JAKMIP2: variants seen among roughly 807,000 people sequenced by gnomAD.
The protein encoded by JAKMIP2 is janus kinase and microtubule-interacting protein 2.
In JAKMIP2, 25 loss-of-function variants were observed where a neutral mutation model predicts 115.0. That is an observed-to-expected ratio of 0.22 (90% confidence interval 0.16 to 0.30). The LOEUF is 0.30. Among genes scored for constraint, JAKMIP2 ranks in the 10% least tolerant of loss-of-function variants. The pLI, the probability that JAKMIP2 is intolerant of heterozygous loss-of-function variation, is 1.00. For synonymous variants in JAKMIP2, 334 were observed against 343.6 expected (o/e 0.97, Z 0.31); for missense variants, 642 against 957.6 (o/e 0.67, Z 4.35).
chr5:147,648,173 CG>C (rs987516678), intron 5 of JAKMIP2, among the ~76,000 whole-genome samples: 1 of 152,040 alleles, frequency 6.6e-6, no homozygotes, highest in Admixed American at 6.6e-5. Context: ...TCACAAGAAG[CG>C]GGGGTGTGAG....
chr5:147,639,596 C>A (rs150810858), intron 10 of JAKMIP2, 36 bp downstream of exon 10: 17 of 1,589,182 alleles, frequency 1.1e-5, no homozygotes, highest in Non-Finnish European at 1.3e-5. Flanking sequence ...GACTGCTGCA[C>A]GCTAATTCAG....
intron 10 of JAKMIP2, 51 bp downstream of exon 10, chr5:147,639,581 G>A (rs771128037): frequency 1.9e-6 from 3 of 1,565,172 alleles, no homozygotes; most frequent in African/African-American, 2.7e-5. Context: ...GTGCTTTTAT[G>A]CTGTGACTGC....
chr5:147,669,035 T>C (rs1759447995), intron 2 of JAKMIP2, among the ~76,000 whole-genome samples: 2 of 152,336 alleles, frequency 1.3e-5, no homozygotes, highest in East Asian at 3.9e-4. Flanking sequence ...AGGTTTCCAC[T>C]TTTTAACTTA....
At chr5:147,690,109 G>A (rs2126856767) in intron 1 of JAKMIP2, among the ~76,000 whole-genome samples, 1 of 152,246 alleles carries the variant, frequency 6.6e-6, no homozygotes, top group Admixed American at 6.5e-5. Context: ...CAGCATTTTT[G>A]GAGGCTGAGG....
chr5:147,632,670 A>T lies in JAKMIP2; in HGVS notation c.1776+10T>A. ...GATTATTTTTATTATTATCATCATC[A>T]TTTCCTTACTTCTAGCTCTAGGTTT... is the stretch of plus-strand genomic sequence containing the variant. On this transcript the variant is annotated intron_variant, in intron 13 of 21. Transcript: ENST00000616793. 1 of 1,513,228 alleles carries T rather than the reference A, an allele frequency of 6.6e-7. No homozygotes were observed. The highest frequency in any genetic ancestry group is 1.7e-5 in the Admixed American group (1 of 58,394). The allele number at this position is 1,513,228 out of a possible 1,614,324, so 93.7% of individuals were successfully genotyped here.
At chr5:147,728,388 C>T (rs1753600427) in intron 1 of JAKMIP2, among the ~76,000 whole-genome samples, 1 of 152,022 alleles carries the variant, frequency 6.6e-6, no homozygotes, top group African/African-American at 2.4e-5. Context: ...CTGTAGTGTC[C>T]TTTTGGGATT....
intron 21 of JAKMIP2, chr5:147,595,649 T>C (rs1022138245): frequency 1.1e-4 from 40 of 373,668 alleles, no homozygotes; most frequent in African/African-American, 5.4e-4. Context: ...TTATGCAGAA[T>C]TGTTGTAAGT....
At chr5:147,614,842 T>C (rs1756494056) in intron 19 of JAKMIP2, among the ~76,000 whole-genome samples, 1 of 152,230 alleles carries the variant, frequency 6.6e-6, no homozygotes, top group Admixed American at 6.5e-5. Flanking sequence ...TCCTTGACTA[T>C]TCCAAACTTA....
At chr5:147,691,625 C>G (rs1365081399) in intron 1 of JAKMIP2, among the ~76,000 whole-genome samples, 1 of 152,174 alleles carries the variant, frequency 6.6e-6, no homozygotes, top group African/African-American at 2.4e-5. Flanking sequence ...TATAGCACAA[C>G]CCAAGCTTTG....
intron 20 of JAKMIP2, chr5:147,612,021 C>T: frequency 1.8e-6 from 1 of 543,830 alleles, no homozygotes; most frequent in Non-Finnish European, 3.4e-6. Context: ...CTTGAAGAAA[C>T]TTTTGGAAAG....
At chr5:147,639,801 G>T (rs750551746) in intron 9 of JAKMIP2, 41 bp from the exon 10 acceptor site, 11 of 1,595,822 alleles carry the variant, frequency 6.9e-6, no homozygotes, top group Non-Finnish European at 8.5e-6. Flanking sequence ...ATTGTGTTAT[G>T]TTCAGGTCCT....
chr5:147,650,838 G>T (rs1758361611), intron 3 of JAKMIP2, among the ~76,000 whole-genome samples: 1 of 152,070 alleles, frequency 6.6e-6, no homozygotes, highest in Non-Finnish European at 1.5e-5. Flanking sequence ...ATATGCAAAG[G>T]ACAGTCTAAC....
At chr5:147,750,582 A>ACT (rs889200438) in intron 1 of JAKMIP2, among the ~76,000 whole-genome samples, 11 of 152,006 alleles carry the variant, frequency 7.2e-5, no homozygotes, top group Non-Finnish European at 1.6e-4. Flanking sequence ...ACACACACAC[A>ACT]CACACACACA....
At chr5:147,597,394 TGTC>T (rs1755451900) in intron 21 of JAKMIP2, among the ~76,000 whole-genome samples, 1 of 152,210 alleles carries the variant, frequency 6.6e-6, no homozygotes. Flanking sequence ...AATATTGGGC[TGTC>T]AAGTTCAAAA....
In JAKMIP2 at chr5:147,692,429, C is replaced by G. The variant is rs574541352; in HGVS notation, c.-148-20475G>C. Reference sequence around the variant, plus strand: ...TTTGTGGTAATTTGTTACAGCAGCTCTAGAAAATAAATACAGATCTTCCTG... The same window carrying G: ...TTTGTGGTAATTTGTTACAGCAGCTGTAGAAAATAAATACAGATCTTCCTG... On this transcript the variant is annotated intron_variant, in intron 1 of 21. Transcript: ENST00000616793. 2.6e-5 allele frequency among the ~76,000 whole-genome samples: 4 copies of G among 152,286 alleles called. No homozygotes were observed. In the East Asian group the frequency reaches 7.7e-4, roughly 29 times the overall value.
intron 18 of JAKMIP2, among the ~76,000 whole-genome samples, chr5:147,619,695 A>G (rs1016451179): frequency 7.2e-5 from 11 of 152,138 alleles, no homozygotes; most frequent in Admixed American, 4.6e-4. Flanking sequence ...AATGGATCAC[A>G]TGTGCTCCTT....
chr5:147,643,870 A>AT (rs1757993437), intron 7 of JAKMIP2, among the ~76,000 whole-genome samples, 188 bp downstream of exon 7: 1 of 152,208 alleles, frequency 6.6e-6, no homozygotes, highest in Non-Finnish European at 1.5e-5. Flanking sequence ...AAAGGGTTAT[A>AT]ATTTAAAAGG....
intron 21 of JAKMIP2, chr5:147,594,274 C>T: frequency 3.8e-6 from 1 of 266,048 alleles, no homozygotes; most frequent in South Asian, 3.7e-5. Context: ...ATTTAGTTTC[C>T]TCATCTGTGG....
In JAKMIP2 at chr5:147,586,075, T is replaced by A. The variant is rs1212793055; in HGVS notation, c.*5632A>T. On this transcript the variant is annotated 3_prime_UTR_variant, in exon 22 of 22. Transcript: ENST00000616793. ...GAGTGGTCTCTGCCTCAGTCAACAA[T>A]TGGAAATAATAGTAGTGAACAGAAG... 1.3e-5 allele frequency: 2 copies of A among 151,674 alleles called. No homozygotes were observed. Among genetic ancestry groups the A allele is most frequent in the Non-Finnish European group, 2.9e-5 (2 of 67,996 alleles). The allele number at this position is 151,674 out of a possible 1,614,324, so 9.4% of individuals were successfully genotyped here.
Sources: gnomAD v4.1 joint callset for allele counts (sites outside exome capture counted in the v4.1 genomes callset) on GRCh38, gnomAD v4.1.1 for gene constraint, MANE v1.5 for transcripts, NCBI Gene and HGNC (gene_info 2026-07-23, HGNC 2026-07-21) for gene names.